RNASEH1: variants seen among roughly 807,000 people sequenced by gnomAD.
RNASEH1 encodes ribonuclease H type II.
RNASEH1 carries 27 observed loss-of-function variants against 34.6 expected under a neutral mutation model. That is an observed-to-expected ratio of 0.78 (90% confidence interval 0.58 to 1.08). The LOEUF is 1.08. RNASEH1 is among the 50% of genes least tolerant of loss of function. The pLI is 0.00. For missense variants in RNASEH1, 349 were observed against 373.6 expected, an observed-to-expected ratio of 0.93 and a Z score of 0.54; for synonymous variants, 162 against 138.4, an observed-to-expected ratio of 1.17 and a Z score of -1.20.
the RNASEH1 span, chr2:3,531,908 A>G: frequency 3.2e-5 from 7 of 219,460 alleles, no homozygotes; most frequent in Admixed American, 5.4e-5. Context: ...TATTTGTGCT[A>G]TAAGTACAAT....
At chr2:3,536,232 C>T in the RNASEH1 span, among the ~76,000 whole-genome samples, 1 of 152,218 alleles carries the variant, frequency 6.6e-6, no homozygotes, top group African/African-American at 2.4e-5. Context: ...ACGTGTGTGG[C>T]TTTATCTGGT....
chr2:3,539,308 C>T (rs576940430), downstream of RNASEH1, among the ~76,000 whole-genome samples: 1 of 152,290 alleles, frequency 6.6e-6, no homozygotes, highest in Admixed American at 6.5e-5. Flanking sequence ...GACAGCGGTC[C>T]ACTTGCCCTG....
intron 2 of RNASEH1, 106 bp from the exon 3 acceptor site, chr2:3,552,414 A>T: frequency 3.6e-6 from 4 of 1,097,994 alleles, no homozygotes; most frequent in Non-Finnish European, 5.2e-6. Flanking sequence ...AATCAGACTT[A>T]AAAACACCCT....
intron 2 of RNASEH1, among the ~76,000 whole-genome samples, chr2:3,556,339 C>A (rs1465741745): frequency 2.0e-5 from 3 of 148,524 alleles, no homozygotes; most frequent in African/African-American, 7.4e-5. Context: ...CGAGTCTTGC[C>A]CTGTCACCCA....
In RNASEH1 at chr2:3,550,390, C is replaced by T; in HGVS notation, c.492G>A (p.Trp164Ter). 2.5e-6 allele frequency: 4 copies of T among 1,613,706 alleles called. No homozygotes were observed. Among genetic ancestry groups the T allele is most frequent in the Non-Finnish European group, 3.4e-6 (4 of 1,179,656 alleles). The change falls in exon 4 of 8, where the codon TGG becomes TGA. Residue 164 changes from tryptophan to a stop codon, truncating the protein, a stop_gained. Transcript: ENST00000315212. LOFTEE classifies it high-confidence loss of function. ...TAACTTACAAAGGATGGCCTGGCCC[C>T]CAGTAAACGCCGATTCCTGCTCGCG... ...RRPRAGIGVYWGPGHPLNVGI... is the reference protein window; with the variant it reads ...RRPRAGIGVY
the RNASEH1 span, among the ~76,000 whole-genome samples, chr2:3,536,269 G>A: frequency 2.6e-5 from 4 of 152,204 alleles, no homozygotes; most frequent in Non-Finnish European, 5.9e-5. Context: ...AGGGAAGAAC[G>A]GTCGGCCTAG....
chr2:3,558,054 G>A (rs2147798844), intron 1 of RNASEH1, 79 bp downstream of exon 1: 1 of 1,485,992 alleles, frequency 6.7e-7, no homozygotes, highest in African/African-American at 1.4e-5. Context: ...CCAGGCTCCC[G>A]CCGCCGGGGT....
intron 2 of RNASEH1, 99 bp from the exon 3 acceptor site, chr2:3,552,407 C>G: frequency 8.1e-7 from 1 of 1,228,706 alleles, no homozygotes; most frequent in Middle Eastern, 2.0e-4. Flanking sequence ...ATCATTAAAT[C>G]AGACTTAAAA....
intron 3 of RNASEH1, among the ~76,000 whole-genome samples, chr2:3,551,001 G>A (rs6730137): frequency 0.01 from 1,539 of 152,330 alleles, 29 homozygotes; most frequent in African/African-American, 0.034. Flanking sequence ...CACAAAGGCT[G>A]TAAAGAACAA....
In RNASEH1 at chr2:3,545,400, G is replaced by A. The variant is rs952433388; in HGVS notation, c.*385C>T. ...CAAACCTGTCAACTGGACGGTAAAT[G>A]GATGCTTTCAGAATACTTCCAGACT... On this transcript the variant is annotated 3_prime_UTR_variant, in exon 8 of 8. Transcript: ENST00000315212. 14 of 207,698 alleles carry A rather than the reference G, an allele frequency of 6.7e-5. No individual in the cohort carries two copies. Among genetic ancestry groups the A allele is most frequent in the Non-Finnish European group, 6.9e-5 (7 of 100,980 alleles). 12.9% of individuals were successfully genotyped at this position (207,698 alleles called of 1,614,324 possible). A position where few individuals can be genotyped will look rare whatever the true frequency, so the allele number is the denominator to read the frequency against.
rs769494658 is a variant in RNASEH1 at position 3,558,212 on chromosome 2, G to GCAAGGCGGC, written c.40_48dup (p.Ala14_Leu16dup). 2 of 1,599,876 alleles carry GCAAGGCGGC rather than the reference G, an allele frequency of 1.3e-6. No individual in the cohort carries two copies. The highest frequency in any genetic ancestry group is 2.2e-5 in the South Asian group (2 of 89,136). ...AACCCGCGAGAGCCGCGGCGGCAGG[G>GCAAGGCGGC]CAAGGCGGCCAAGGCGACTCTGTGG... On this transcript the variant is annotated inframe_insertion, in exon 1 of 8. Coordinates refer to ENST00000315212, the MANE Select transcript of RNASEH1 (RefSeq NM_002936.6).
intron 2 of RNASEH1, among the ~76,000 whole-genome samples, chr2:3,554,164 G>A (rs1285339606): frequency 1.3e-5 from 2 of 152,164 alleles, no homozygotes; most frequent in Non-Finnish European, 2.9e-5. Context: ...TGATCAGCAC[G>A]ACGTCAGCAA....
intron 2 of RNASEH1, among the ~76,000 whole-genome samples, chr2:3,552,843 A>C (rs112689504): frequency 3.6e-4 from 55 of 152,058 alleles, no homozygotes; most frequent in African/African-American, 1.3e-3. Flanking sequence ...AAAATAGATA[A>C]ATCTAAAAAA....
chr2:3,536,693 C>A (rs919698148), downstream of RNASEH1: 3 of 152,244 alleles, frequency 2.0e-5, no homozygotes, highest in African/African-American at 7.2e-5. Context: ...CAAGAATTTC[C>A]TTTTTTTCTT....
At position 3,544,033 on chromosome 2, in the gene RNASEH1, T is replaced by C. The variant is rs1292462596; in HGVS notation, c.*1752A>G. Among the ~76,000 whole-genome samples the C allele has an allele frequency of 2.0e-5, 3 of 152,214 alleles. No homozygotes were observed. The highest frequency in any genetic ancestry group is 4.8e-5 in the African/African-American group (2 of 41,452). ...AAGAATCAAGCATTTATCCTGCCCT[T>C]CCTATATGAACTGTACCACTGGGTA... On this transcript the variant is annotated 3_prime_UTR_variant, in exon 8 of 8. Coordinates refer to ENST00000315212, the MANE Select transcript of RNASEH1 (RefSeq NM_002936.6).
rs34613047 is a variant in RNASEH1, at chr2:3,557,948, A to C, written c.128+185T>G. On this transcript the variant is annotated intron_variant, in intron 1 of 7. Transcript: ENST00000315212. ...CAAGTCTTCGGTGCGTTCCAGTCCCAGGCCATGAGCCTCCTGGAACCCCGC... is the reference window on the plus strand; with the variant it reads ...CAAGTCTTCGGTGCGTTCCAGTCCCCGGCCATGAGCCTCCTGGAACCCCGC... The C allele has an allele frequency of 0.36, 541,608 of 1,519,880 alleles. 101,737 individuals carry two copies. Among genetic ancestry groups the C allele is most frequent in the East Asian group, 0.56 (22,258 of 39,932 alleles). The allele number at this position is 1,519,880 out of a possible 1,614,324, so 94.1% of individuals were successfully genotyped here.
Position 3,552,283 on chromosome 2 carries a change from T to C in RNASEH1, c.270A>G (p.Glu90=). Residue 90 remains glutamate (E), a synonymous_variant, in exon 3 of 8, where the codon GAA becomes GAG. Coordinates refer to ENST00000315212, the MANE Select transcript of RNASEH1 (RefSeq NM_002936.6). ...GTCGCTTGCTGGCTTTCGCCTCCGA[T>C]TCTTGTCCATGTTGATTTTCATGCC... The part of the protein sequence containing the change: ...SEGHENQHGQ[E]SEAKASKRLR... The C allele has an allele frequency of 6.2e-7, 1 of 1,613,818 alleles. No individual in the cohort carries two copies. The highest frequency in any genetic ancestry group is 8.5e-7 in the Non-Finnish European group (1 of 1,179,952).
At chr2:3,535,737 G>A in the RNASEH1 span, among the ~76,000 whole-genome samples, 2 of 152,278 alleles carry the variant, frequency 1.3e-5, no homozygotes, top group African/African-American at 2.4e-5. Flanking sequence ...GCACAGCAGC[G>A]ACGTGATCTG....
chr2:3,550,131 A>T lies in RNASEH1; in HGVS notation c.509+242T>A, dbSNP rs1669144929. ...GTACTCCATCCTGGGCAACAGTGTG[A>T]GACCGTGTCTTAAAAAAAAAAAAAA... On this transcript the variant is annotated intron_variant, in intron 4 of 7. Coordinates refer to ENST00000315212, the MANE Select transcript of RNASEH1 (RefSeq NM_002936.6). 5 of 434,728 alleles carry T rather than the reference A, an allele frequency of 1.2e-5. No homozygotes were observed. In the Admixed American group the frequency reaches 1.9e-4, roughly 16 times the overall value. 26.9% of individuals were successfully genotyped at this position (434,728 alleles called of 1,614,324 possible).
Sources: gnomAD v4.1 joint callset for allele counts (sites outside exome capture counted in the v4.1 genomes callset) on GRCh38, gnomAD v4.1.1 for gene constraint, MANE v1.5 for transcripts, NCBI Gene and HGNC (gene_info 2026-07-23, HGNC 2026-07-21) for gene names.